Variants in RBFOX1 observed in about 807,000 individuals in gnomAD.
RBFOX1 encodes the protein RNA binding fox-1 homolog 1.
Under a neutral mutation model 57.7 loss-of-function variants are expected in RBFOX1, and 8 were observed. The observed-to-expected ratio is 0.14, with a 90% CI of 0.08 to 0.25. The LOEUF (loss-of-function observed/expected upper bound fraction) is 0.25, where lower values mean the gene tolerates loss of function less well. Ranked by LOEUF, RBFOX1 falls within the 10% of genes least tolerant of loss-of-function variation. The pLI is 1.00. For missense variants in RBFOX1, 611 were observed against 548.5 expected, an observed-to-expected ratio of 1.11 and a Z score of -1.14; for synonymous variants, 326 against 222.4, an observed-to-expected ratio of 1.47 and a Z score of -4.15.
intron 2 of RBFOX1, among the ~76,000 whole-genome samples, chr16:6,546,889 A>C (rs2096903877): frequency 6.6e-6 from 1 of 152,144 alleles, no homozygotes; most frequent in Admixed American, 6.5e-5. Flanking sequence ...TCCGAAGTCC[A>C]TGCTTGGTTT....
chr16:6,877,602 C>G (rs527653945), intron 3 of RBFOX1, among the ~76,000 whole-genome samples: 28 of 152,144 alleles, frequency 1.8e-4, no homozygotes, highest in African/African-American at 5.6e-4. Flanking sequence ...ATAACCGTGT[C>G]TTTGCATTTG....
At chr16:6,314,375 C>A (rs2080810950) in intron 1 of RBFOX1, among the ~76,000 whole-genome samples, 1 of 152,186 alleles carries the variant, frequency 6.6e-6, no homozygotes, top group Admixed American at 6.5e-5. Flanking sequence ...GTATATTCTG[C>A]TTCTGATAGA....
intron 4 of RBFOX1, among the ~76,000 whole-genome samples, chr16:7,145,529 T>C (rs758997537): frequency 3.1e-5 from 4 of 130,516 alleles, no homozygotes; most frequent in Admixed American, 2.8e-4. Context: ...TGCCATGTGA[T>C]TTTTTTTTCT....
At chr16:7,513,978 A>G (rs2152095947) in intron 4 of RBFOX1, among the ~76,000 whole-genome samples, 1 of 152,330 alleles carries the variant, frequency 6.6e-6, no homozygotes, top group Admixed American at 6.5e-5. Context: ...GAGAGTATAC[A>G]GGCCCTTTCT....
chr16:7,437,341 A>T (rs984572450), intron 4 of RBFOX1, among the ~76,000 whole-genome samples: 1 of 150,974 alleles, frequency 6.6e-6, no homozygotes, highest in Admixed American at 6.6e-5. Flanking sequence ...GTACTTGTCC[A>T]TCAAACATGG....
rs190338294 is a variant in RBFOX1, at chr16:7,128,947, A to C, written c.27+76849A>C. 1.9e-4 allele frequency among the ~76,000 whole-genome samples: 28 copies of C among 151,328 alleles called. No homozygotes were observed. The East Asian group carries it at 5.3e-3, about 29-fold the overall frequency. On this transcript the variant is annotated intron_variant, in intron 4 of 15. Transcript: ENST00000550418. ...GCCATTCTCCTGCCTCAACCTCCCA[A>C]GTAGCTGGGACTACAGGTGCATGAC...
At chr16:7,247,328 C>T (rs1315717390) in intron 4 of RBFOX1, among the ~76,000 whole-genome samples, 1 of 152,158 alleles carries the variant, frequency 6.6e-6, no homozygotes, top group Non-Finnish European at 1.5e-5. Flanking sequence ...GACACACCCG[C>T]AGTGGAGGGG....
At chr16:7,014,146 G>C (rs2093787125) in intron 3 of RBFOX1, among the ~76,000 whole-genome samples, 1 of 152,134 alleles carries the variant, frequency 6.6e-6, no homozygotes, top group South Asian at 2.1e-4. Flanking sequence ...TGCTCAAAAA[G>C]AACTGTCCAA....
At chr16:7,589,894 T>G (rs2094343875) in intron 7 of RBFOX1, among the ~76,000 whole-genome samples, 1 of 129,276 alleles carries the variant, frequency 7.7e-6, no homozygotes, top group African/African-American at 2.7e-5. Context: ...CACTCAATGC[T>G]GAAGGCTGTG....
intron 2 of RBFOX1, among the ~76,000 whole-genome samples, chr16:6,589,442 G>A (rs2097679147): frequency 6.6e-6 from 1 of 152,208 alleles, no homozygotes; most frequent in Admixed American, 6.5e-5. Flanking sequence ...TGACTGGTCA[G>A]GTTGGAGATG....
At chr16:5,285,806 T>C (rs1567280596) in intron 1 of RBFOX1, among the ~76,000 whole-genome samples, 1 of 152,150 alleles carries the variant, frequency 6.6e-6, no homozygotes, top group Non-Finnish European at 1.5e-5. Context: ...GGAGTCTTGC[T>C]CTGTCACCAG....
chr16:6,221,014 T>A (rs1377071830), intron 1 of RBFOX1, among the ~76,000 whole-genome samples: 1 of 152,082 alleles, frequency 6.6e-6, no homozygotes, highest in Non-Finnish European at 1.5e-5. Context: ...TAATTGTCAT[T>A]ATATTAGGTG....
At chr16:5,850,522 G>A (rs1470646030) in intron 3 of RBFOX1, among the ~76,000 whole-genome samples, 2 of 152,172 alleles carry the variant, frequency 1.3e-5, no homozygotes, top group African/African-American at 4.8e-5. Context: ...AGTAGTAGTG[G>A]CAGTAACAGC....
At chr16:6,455,430 C>G (rs547157578) in intron 2 of RBFOX1, among the ~76,000 whole-genome samples, 26 of 152,314 alleles carry the variant, frequency 1.7e-4, no homozygotes, top group African/African-American at 4.8e-4. Context: ...TACACCCAAC[C>G]TTGACCTTCA....
rs1023078411 is a variant in RBFOX1, at chr16:6,877,464, C to T, written c.-15-174593C>T. 3.6e-4 allele frequency among the ~76,000 whole-genome samples: 55 copies of T among 152,112 alleles called. 1 individual carries two copies. ...CCAGAGTAGTGGGGAAGCTTGACTTCTGCTTGATATCAGACCATAAAATGC... is the reference window on the plus strand; with the variant it reads ...CCAGAGTAGTGGGGAAGCTTGACTTTTGCTTGATATCAGACCATAAAATGC... On this transcript the variant is annotated intron_variant, in intron 3 of 15. Transcript: ENST00000550418.
intron 2 of RBFOX1, chr16:5,598,857 C>G: frequency 2.8e-6 from 4 of 1,416,748 alleles, no homozygotes; most frequent in East Asian, 2.5e-5. Flanking sequence ...TTTTCCTCAA[C>G]CCGGCTTCCC....
At chr16:6,774,721 C>G (rs544257527) in intron 3 of RBFOX1, among the ~76,000 whole-genome samples, 2 of 151,348 alleles carry the variant, frequency 1.3e-5, no homozygotes, top group Admixed American at 6.6e-5. Flanking sequence ...TTTTATAATA[C>G]TAATTATAAC....
At chr16:5,578,844 CTTTT>C (rs57387602) in intron 2 of RBFOX1, among the ~76,000 whole-genome samples, 6,295 of 108,478 alleles carry the variant, frequency 0.058, 120 homozygotes, top group East Asian at 0.087. Flanking sequence ...CACACACACC[CTTTT>C]TTTTTTTTTT....
intron 4 of RBFOX1, among the ~76,000 whole-genome samples, chr16:7,094,795 G>GT (rs1567232876): frequency 2.4e-5 from 2 of 82,236 alleles, no homozygotes; most frequent in Non-Finnish European, 6.6e-5. Context: ...TGTGTGTTGA[G>GT]AGAGAGAGAG....
Sources: allele counts gnomAD v4.1 joint callset (sites outside exome capture counted in the v4.1 genomes callset), GRCh38; gene constraint gnomAD v4.1.1; transcripts MANE v1.5; gene names NCBI Gene and HGNC (gene_info 2026-07-23, HGNC 2026-07-21).